The following GPRIN2 variants were observed in gnomAD, a reference collection of about 807,000 sequenced individuals.
GPRIN2 encodes the protein G protein regulated inducer of neurite outgrowth 2.
A neutral mutation model predicts 0.3 loss-of-function variants in GPRIN2; 1 was observed. The ratio of observed to expected loss-of-function variants is 3.90; its 90% confidence interval spans 1.39 to 18.51. The LOEUF (loss-of-function observed/expected upper bound fraction) is 18.51. Ranked by LOEUF, GPRIN2 falls within the 30% of genes most tolerant of loss-of-function variation. GPRIN2 has a pLI of 0.11. For missense variants in GPRIN2, 880 were observed against 604.2 expected, an observed-to-expected ratio of 1.46 and a Z score of -4.79; for synonymous variants, 361 against 258.6, an observed-to-expected ratio of 1.40 and a Z score of -3.80.
intron 2 of GPRIN2, among the ~76,000 whole-genome samples, chr10:46,551,018 C>T (rs1009707668): frequency 1.5e-4 from 23 of 152,412 alleles, no homozygotes; most frequent in South Asian, 4.1e-4. Context: ...TCCTGGAGGC[C>T]GCCACTCTAT....
intron 2 of GPRIN2, 86 bp from the exon 3 acceptor site, chr10:46,550,828 G>C: frequency 7.2e-7 from 1 of 1,388,626 alleles, no homozygotes; most frequent in Non-Finnish European, 9.5e-7. Context: ...ACAGTGCTAG[G>C]TTCACCAGGG....
rs1454490921 is a variant in GPRIN2, at chr10:46,546,505, T to A, written c.*2855A>T. Among the ~76,000 whole-genome samples the A allele has an allele frequency of 2.6e-5, 4 of 152,310 alleles. No individual in the cohort carries two copies. The highest frequency in any genetic ancestry group is 9.6e-5 in the African/African-American group (4 of 41,488). On this transcript the variant is annotated 3_prime_UTR_variant, in exon 3 of 3. Transcript: ENST00000374314. ...TCTCACCTCCAAATTTGTATCTGTT[T>A]TGAATTCAAAGCCAAACAAACACAT...
rs1475138187 is a variant in GPRIN2, at chr10:46,543,282, G to A, written c.*6078C>T. On this transcript the variant is annotated 3_prime_UTR_variant, in exon 3 of 3. Transcript: ENST00000374314. ...AGAGACTACTGTATGGAGCCAGAAG[G>A]CGAAGGCAAGTAAATCCTTGGCACA... Among the ~76,000 whole-genome samples, 3 of 152,310 alleles carry A rather than the reference G, an allele frequency of 2.0e-5. No individual in the cohort carries two copies. Among genetic ancestry groups the A allele is most frequent in the Admixed American group, 2.0e-4 (3 of 15,294 alleles).
intron 2 of GPRIN2, among the ~76,000 whole-genome samples, chr10:46,553,442 C>G (rs1842834571): frequency 1.3e-5 from 2 of 152,426 alleles, no homozygotes; most frequent in East Asian, 1.9e-4. Context: ...TCCAAGACCC[C>G]AGGGAGGCCC....
At position 46,549,522 on chromosome 10, in the gene GPRIN2, C is replaced by A. The variant is rs1832691826; in HGVS notation, c.1215G>T (p.Val405=). 1.9e-6 allele frequency: 3 copies of A among 1,612,972 alleles called. No homozygotes were observed. Among genetic ancestry groups the A allele is most frequent in the Admixed American group, 1.7e-5 (1 of 59,986 alleles). ...GAAVDLEVLG[V]AIQKHLEMQF... ...GCATCTCCAGGTGCTTCTGGATGGC[C>A]ACACCGAGCACCTCCAGGTCCACCG... Residue 405 remains valine (V), a synonymous_variant, in exon 3 of 3, where the codon GTG becomes GTT. Coordinates refer to ENST00000374314, the MANE Select transcript of GPRIN2 (RefSeq NM_001385282.1).
rs1832634875 is a variant in GPRIN2 at position 46,549,674 on chromosome 10, C to G, written c.1063G>C (p.Glu355Gln). The G allele has an allele frequency of 1.2e-6, 2 of 1,614,136 alleles. No homozygotes were observed. Among genetic ancestry groups the G allele is most frequent in the South Asian group, 2.2e-5 (2 of 91,084 alleles). Residue 355 changes from glutamate to glutamine, a missense_variant, in exon 3 of 3, where the codon GAA becomes CAA. By Grantham distance (29) the Glu-to-Gln change is conservative. Coordinates refer to ENST00000374314, the MANE Select transcript of GPRIN2 (RefSeq NM_001385282.1). ...AACACATGCAGGGCTGCAGGCGCTTCCAGGGACGGACTGGTGGCCACAGCC... is the reference window on the plus strand; with the variant it reads ...AACACATGCAGGGCTGCAGGCGCTTGCAGGGACGGACTGGTGGCCACAGCC... ...CKAVATSPSL[E>Q]APAALHVFPE... is the part of the protein sequence containing the mutation.
rs1842391751 is a variant in GPRIN2, at chr10:46,548,712, C to A, written c.*648G>T. Among the ~76,000 whole-genome samples, 1 of 152,308 alleles carries A rather than the reference C, an allele frequency of 6.6e-6. No homozygotes were observed. The highest frequency in any genetic ancestry group is 2.1e-4 in the South Asian group (1 of 4,838). On this transcript the variant is annotated 3_prime_UTR_variant, in exon 3 of 3. Transcript: ENST00000374314. ...TTCTCCTCATACATGACTGCACTGA[C>A]TGGACCGGGCACATGCTACAGGGCA...
In GPRIN2 at chr10:46,542,399, CG is replaced by C; in HGVS notation, c.*6960del. 6.6e-6 allele frequency among the ~76,000 whole-genome samples: 1 copy of C among 152,312 alleles called. No individual in the cohort carries two copies. Among genetic ancestry groups the C allele is most frequent in the Non-Finnish European group, 1.5e-5 (1 of 68,058 alleles). ...AGAGATCAGGTGGAGGTGATGGAATCGTGGGGGCGGTTCCCCCATGCTGTTC... is the reference window on the plus strand; with the variant it reads ...AGAGATCAGGTGGAGGTGATGGAATCTGGGGGCGGTTCCCCCATGCTGTTC... On this transcript the variant is annotated 3_prime_UTR_variant, in exon 3 of 3. Coordinates refer to ENST00000374314, the MANE Select transcript of GPRIN2 (RefSeq NM_001385282.1).
At chr10:46,551,852 G>A (rs1466681461) in intron 2 of GPRIN2, among the ~76,000 whole-genome samples, 1 of 152,306 alleles carries the variant, frequency 6.6e-6, no homozygotes, top group Non-Finnish European at 1.5e-5. Context: ...ACTGAGCATT[G>A]GGCCTGCATG....
Position 46,547,036 on chromosome 10 carries a change from T to G in GPRIN2, c.*2324A>C, listed in dbSNP as rs1842222464. ...CGTGACACAGAAGAAAGTCTCTTCATGAAGTAGGTTTCACTGGTCCCAGCC... is the reference window on the plus strand; with the variant it reads ...CGTGACACAGAAGAAAGTCTCTTCAGGAAGTAGGTTTCACTGGTCCCAGCC... On this transcript the variant is annotated 3_prime_UTR_variant, in exon 3 of 3. Coordinates refer to ENST00000374314, the MANE Select transcript of GPRIN2 (RefSeq NM_001385282.1). Among the ~76,000 whole-genome samples, 1 of 152,306 alleles carries G rather than the reference T, an allele frequency of 6.6e-6. No individual in the cohort carries two copies. Among genetic ancestry groups the G allele is most frequent in the Non-Finnish European group, 1.5e-5 (1 of 68,056 alleles).
In GPRIN2 at chr10:46,548,091, A is replaced by C. The variant is rs1842332191; in HGVS notation, c.*1269T>G. Among the ~76,000 whole-genome samples, 1 of 152,308 alleles carries C rather than the reference A, an allele frequency of 6.6e-6. No homozygotes were observed. Among genetic ancestry groups the C allele is most frequent in the Non-Finnish European group, 1.5e-5 (1 of 68,054 alleles). Reference sequence around the variant, plus strand: ...GCCAGGTCGTGGGCCATGACCCCACACTAGCCCTCTGGTCCCTCACACGGG... The same window carrying C: ...GCCAGGTCGTGGGCCATGACCCCACCCTAGCCCTCTGGTCCCTCACACGGG... On this transcript the variant is annotated 3_prime_UTR_variant, in exon 3 of 3. Transcript: ENST00000374314.
Position 46,542,460 on chromosome 10 carries a change from T to G in GPRIN2, c.*6900A>C, listed in dbSNP as rs1289583162. Among the ~76,000 whole-genome samples, 1 of 152,312 alleles carries G rather than the reference T, an allele frequency of 6.6e-6. No individual in the cohort carries two copies. Among genetic ancestry groups the G allele is most frequent in the Admixed American group, 6.5e-5 (1 of 15,294 alleles). On this transcript the variant is annotated 3_prime_UTR_variant, in exon 3 of 3. Coordinates refer to ENST00000374314, the MANE Select transcript of GPRIN2 (RefSeq NM_001385282.1). ...TAAGTTCTCACGAGATCTGATGGTT[T>G]TATAAGTGTTTGGTAGTTCCTTCTG... is the stretch of plus-strand genomic sequence containing the variant.
chr10:46,556,749 C>G (rs891130090), upstream of GPRIN2, among the ~76,000 whole-genome samples: 3 of 152,236 alleles, frequency 2.0e-5, no homozygotes, highest in Non-Finnish European at 4.4e-5. Flanking sequence ...CACTCTGGAG[C>G]CTGCCACCGC....
chr10:46,557,081 G>T (rs1338377361), upstream of GPRIN2, among the ~76,000 whole-genome samples: 1 of 146,682 alleles, frequency 6.8e-6, no homozygotes, highest in South Asian at 2.2e-4. Context: ...AGGTCTCCGC[G>T]CCGGCGGCTA....
At chr10:46,552,643 C>T (rs1474485561) in intron 2 of GPRIN2, among the ~76,000 whole-genome samples, 1 of 152,310 alleles carries the variant, frequency 6.6e-6, no homozygotes, top group East Asian at 1.9e-4. Flanking sequence ...AAGATTCTAC[C>T]CTGTGCTGTC....
At chr10:46,556,139 C>T (rs1843191155) in intron 1 of GPRIN2, among the ~76,000 whole-genome samples, 1 of 152,302 alleles carries the variant, frequency 6.6e-6, no homozygotes, top group African/African-American at 2.4e-5. Flanking sequence ...CAAAGGGCAG[C>T]AAGGCTGGGG....
intron 2 of GPRIN2, among the ~76,000 whole-genome samples, chr10:46,553,145 C>T (rs1282220156): frequency 6.6e-6 from 1 of 152,280 alleles, no homozygotes; most frequent in African/African-American, 2.4e-5. Flanking sequence ...GGCTCAGTGA[C>T]CCCCAAGGGC....
At position 46,543,721 on chromosome 10, in the gene GPRIN2, A is replaced by G. The variant is rs1441387674; in HGVS notation, c.*5639T>C. On this transcript the variant is annotated 3_prime_UTR_variant, in exon 3 of 3. Coordinates refer to ENST00000374314, the MANE Select transcript of GPRIN2 (RefSeq NM_001385282.1). ...TCCCACAATTTTCACATTCCCTCCC[A>G]ATAAAGTAGGGCCATGAAAGATGAA... Among the ~76,000 whole-genome samples the G allele has an allele frequency of 6.6e-6, 1 of 152,306 alleles. No individual in the cohort carries two copies. Among genetic ancestry groups the G allele is most frequent in the Non-Finnish European group, 1.5e-5 (1 of 68,052 alleles).
chr10:46,548,688 TCTC>T lies in GPRIN2; in HGVS notation c.*669_*671del, dbSNP rs1463218515. The stretch of plus-strand genomic sequence containing the variant: ...AGCACAGAGTATGAGCTCAGTAAAT[TCTC>T]CTCATACATGACTGCACTGACTGGA... On this transcript the variant is annotated 3_prime_UTR_variant, in exon 3 of 3. Transcript: ENST00000374314. Among the ~76,000 whole-genome samples, 12 of 152,418 alleles carry T rather than the reference TCTC, an allele frequency of 7.9e-5. No homozygotes were observed. Among genetic ancestry groups the T allele is most frequent in the Non-Finnish European group, 1.6e-4 (11 of 68,048 alleles).
Sources: gnomAD v4.1 joint callset for allele counts (sites outside exome capture counted in the v4.1 genomes callset) on GRCh38, gnomAD v4.1.1 for gene constraint, MANE v1.5 for transcripts, NCBI Gene and HGNC (gene_info 2026-07-23, HGNC 2026-07-21) for gene names.